TNS4: variants seen among roughly 807,000 people sequenced by gnomAD.
The protein encoded by TNS4 is tensin 4.
In TNS4, 46 loss-of-function variants were observed where a neutral mutation model predicts 70.4. The ratio of observed to expected loss-of-function variants is 0.65; its 90% CI spans 0.52 to 0.84. TNS4 has a LOEUF of 0.84. TNS4 is among the 40% of genes least tolerant of loss of function. The pLI, the probability that TNS4 is intolerant of heterozygous loss-of-function variation, is 0.00. For synonymous variants in TNS4, 390 were observed against 366.6 expected (o/e 1.06, Z -0.73); for missense variants, 863 against 907.0 (o/e 0.95, Z 0.62).
chr17:40,498,903 C>T (rs634299), intron 1 of TNS4, among the ~76,000 whole-genome samples: 109,530 of 152,032 alleles, frequency 0.72, 43,022 homozygotes, highest in East Asian at 0.98. Flanking sequence ...TGCTGAGACT[C>T]GGAGAGGTCA....
At chr17:40,498,316 G>C (rs930893954) in intron 1 of TNS4, among the ~76,000 whole-genome samples, 1 of 152,158 alleles carries the variant, frequency 6.6e-6, no homozygotes, top group Non-Finnish European at 1.5e-5. Context: ...TCTGTGAGAT[G>C]GTAATGAGAA....
intron 9 of TNS4, among the ~76,000 whole-genome samples, chr17:40,480,318 C>A (rs2035905009): frequency 6.6e-6 from 1 of 152,110 alleles, no homozygotes; most frequent in Non-Finnish European, 1.5e-5. Context: ...AGGGACCTTT[C>A]CCCTGGTGAA....
In TNS4 at chr17:40,477,311, T is replaced by G. The variant is rs555921501; in HGVS notation, c.*277A>C. 4.8e-6 allele frequency: 2 copies of G among 412,858 alleles called. No homozygotes were observed. Among genetic ancestry groups the G allele is most frequent in the African/African-American group, 2.0e-5 (1 of 49,324 alleles). 25.6% of individuals were successfully genotyped at this position (412,858 alleles called of 1,614,324 possible). Reference sequence around the variant, plus strand: ...CAGAGGTGTGCATGCTTCAGAATCATGGAGGAGCATGTTCAAATGCCCACC... The same window carrying G: ...CAGAGGTGTGCATGCTTCAGAATCAGGGAGGAGCATGTTCAAATGCCCACC... On this transcript the variant is annotated 3_prime_UTR_variant, in exon 13 of 13. Transcript: ENST00000254051.
chr17:40,477,980 C>T (rs971648052), intron 12 of TNS4: 45 of 599,906 alleles, frequency 7.5e-5, no homozygotes, highest in Non-Finnish European at 1.3e-4. Context: ...AGGACAGGAC[C>T]TGTGCATTCC....
intron 12 of TNS4, chr17:40,478,088 C>T: frequency 1.6e-6 from 1 of 636,924 alleles, no homozygotes; most frequent in Non-Finnish European, 2.7e-6. Flanking sequence ...GAGCCTGTGC[C>T]TCTTGCAGAA....
In TNS4 at chr17:40,487,286, T is replaced by C; in HGVS notation, c.1038A>G (p.Arg346=). Residue 346 remains arginine (R), a synonymous_variant, in exon 4 of 13, where the codon AGA becomes AGG. Transcript: ENST00000254051. ...TGGCCAGTGGTGGAGAGTGGGGTGT[T>C]CTGGGTTGGCCCATGGTTAGGGTGG... ...RNPTLTMGQP[R]TPHSPPLAKE... is the part of the protein sequence containing the mutation. The C allele has an allele frequency of 6.2e-7, 1 of 1,614,180 alleles. No individual in the cohort carries two copies. Among genetic ancestry groups the C allele is most frequent in the Non-Finnish European group, 8.5e-7 (1 of 1,180,024 alleles).
rs778525246 is a variant in TNS4, at chr17:40,488,598, T to A, written c.811A>T (p.Ile271Phe). ...ACTGGGCTGGCTGACAGCACAGAGATCCTGCTGCCCCGCTGTGGGGCCAGG... is the reference window on the plus strand; with the variant it reads ...ACTGGGCTGGCTGACAGCACAGAGAACCTGCTGCCCCGCTGTGGGGCCAGG... ...GGLAPQRGSRISVLSASPVSD... is the reference protein window; with the variant it reads ...GGLAPQRGSRFSVLSASPVSD... Residue 271 changes from isoleucine (I) to phenylalanine (F), a missense_variant, in exon 3 of 13, where the codon ATC becomes TTC. By Grantham distance (21) the Ile-to-Phe change is conservative. Transcript: ENST00000254051. 4.0e-6 allele frequency: 6 copies of A among 1,514,570 alleles called. No homozygotes were observed. The highest frequency in any genetic ancestry group is 1.8e-4 in the Middle Eastern group (1 of 5,586). 93.8% of individuals were successfully genotyped at this position (1,514,570 alleles called of 1,614,324 possible). A position where few individuals can be genotyped will look rare whatever the true frequency, so the allele number is the denominator to read the frequency against.
Position 40,477,299 on chromosome 17 carries a change from G to C in TNS4, c.*289C>G, listed in dbSNP as rs938166455. The C allele has an allele frequency of 5.4e-6, 2 of 368,062 alleles. No individual in the cohort carries two copies. The highest frequency in any genetic ancestry group is 2.1e-5 in the African/African-American group (1 of 48,072). 22.8% of individuals were successfully genotyped at this position (368,062 alleles called of 1,614,324 possible). On this transcript the variant is annotated 3_prime_UTR_variant, in exon 13 of 13. Coordinates refer to ENST00000254051, the MANE Select transcript of TNS4 (RefSeq NM_032865.6). Reference sequence around the variant, plus strand: ...TGCAGGGGTCTTCAGAGGTGTGCATGCTTCAGAATCATGGAGGAGCATGTT... The same window carrying C: ...TGCAGGGGTCTTCAGAGGTGTGCATCCTTCAGAATCATGGAGGAGCATGTT...
rs140376684 is a variant in TNS4 at position 40,484,962 on chromosome 17, G to A, written c.1334C>T (p.Thr445Ile). The change falls in exon 5 of 13, where the codon ACA becomes ATA. Residue 445 changes from threonine (T) to isoleucine (I), a missense_variant. By Grantham distance (89) the Thr-to-Ile change is moderately conservative. Transcript: ENST00000254051. ...GTTTGGCTTAAACCAGTATTTAGAT[G>A]TGTCCATCACGAACTTCATGGTGGG... ...MQPTMKFVMD[T>I]SKYWFKPNIT... The A allele has an allele frequency of 3.4e-4, 547 of 1,614,208 alleles. No homozygotes were observed. Among genetic ancestry groups the A allele is most frequent in the Middle Eastern group, 6.6e-4 (4 of 6,062 alleles).
At chr17:40,497,829 A>G (rs2036165394) in intron 1 of TNS4, among the ~76,000 whole-genome samples, 1 of 152,208 alleles carries the variant, frequency 6.6e-6, no homozygotes, top group East Asian at 1.9e-4. Flanking sequence ...GGAGGCTCTG[A>G]AAAGTTTTGA....
chr17:40,498,683 G>T (rs910924127), intron 1 of TNS4, among the ~76,000 whole-genome samples: 1 of 152,016 alleles, frequency 6.6e-6, no homozygotes, highest in Non-Finnish European at 1.5e-5. Flanking sequence ...TCACCCTCCC[G>T]AGTAGCTGGG....
chr17:40,496,245 C>T lies in TNS4; in HGVS notation c.181G>A (p.Gly61Arg). The change falls in exon 2 of 13, where the codon GGG (glycine) becomes AGG (arginine). Residue 61 changes from glycine (G) to arginine (R), a missense_variant. Transcript: ENST00000254051. ...QALMAPVPCMGPPGRLQQAPQ... is the reference protein window; with the variant it reads ...QALMAPVPCMRPPGRLQQAPQ... Reference sequence around the variant, plus strand: ...GCTTGCTGGAGTCGGCCAGGGGGCCCCATGCAGGGCACGGGGGCCATCAGG... The same window carrying T: ...GCTTGCTGGAGTCGGCCAGGGGGCCTCATGCAGGGCACGGGGGCCATCAGG... The T allele has an allele frequency of 1.3e-6, 2 of 1,595,266 alleles. No individual in the cohort carries two copies. Among genetic ancestry groups the T allele is most frequent in the South Asian group, 2.3e-5 (2 of 88,228 alleles).
rs571087067 is a variant in TNS4, at chr17:40,499,904, G to A, written c.-96+1630C>T. Among the ~76,000 whole-genome samples the A allele has an allele frequency of 4.6e-5, 7 of 152,354 alleles. No homozygotes were observed. The South Asian group carries it at 1.4e-3, about 32-fold the overall frequency. ...GGTGTCCCCTCGCAACCAGGACCCA[G>A]TATACCTGCTTACTAATTTGGACAC... is the stretch of plus-strand genomic sequence containing the variant. On this transcript the variant is annotated intron_variant, in intron 1 of 12. Coordinates refer to ENST00000254051, the MANE Select transcript of TNS4 (RefSeq NM_032865.6).
intron 6 of TNS4, among the ~76,000 whole-genome samples, chr17:40,482,859 G>A (rs1481116566): frequency 6.6e-6 from 1 of 151,856 alleles, no homozygotes; most frequent in African/African-American, 2.4e-5. Flanking sequence ...TCTGCTCAAT[G>A]GCTCCAGCCA....
At chr17:40,491,693 C>T (rs1167015444) in intron 2 of TNS4, among the ~76,000 whole-genome samples, 1 of 151,894 alleles carries the variant, frequency 6.6e-6, no homozygotes, top group Non-Finnish European at 1.5e-5. Flanking sequence ...CCGTGCTCAC[C>T]TCAAGGTGGG....
At chr17:40,486,652 C>T (rs1202122775) in intron 4 of TNS4, among the ~76,000 whole-genome samples, 7 of 151,984 alleles carry the variant, frequency 4.6e-5, no homozygotes, top group Non-Finnish European at 1.0e-4. Flanking sequence ...CATGCGCTTC[C>T]ACACCTTCAT....
Position 40,476,122 on chromosome 17 carries a change from T to C in TNS4, c.*1466A>G, listed in dbSNP as rs890399919. The C allele has an allele frequency of 6.6e-6, 1 of 151,746 alleles. No individual in the cohort carries two copies. The highest frequency in any genetic ancestry group is 1.5e-5 in the Non-Finnish European group (1 of 68,010). The allele number at this position is 151,746 out of a possible 1,614,324, so 9.4% of individuals were successfully genotyped here. ...GGAGGGGGCAGGCACTTGCTCCTCG[T>C]AGAGCAAGAGTGGGTTTCTTCCCTG... On this transcript the variant is annotated 3_prime_UTR_variant, in exon 13 of 13. Coordinates refer to ENST00000254051, the MANE Select transcript of TNS4 (RefSeq NM_032865.6).
In TNS4 at chr17:40,475,984, CCA is replaced by C. The variant is rs1452245175; in HGVS notation, c.*1602_*1603del. The stretch of plus-strand genomic sequence containing the variant: ...ACTTTGGCGGCGGGGCAGTGCTCGA[CCA>C]CTGGCTGGGTGGGCTGGTCTCAGCC... On this transcript the variant is annotated 3_prime_UTR_variant, in exon 13 of 13. Coordinates refer to ENST00000254051, the MANE Select transcript of TNS4 (RefSeq NM_032865.6). The C allele has an allele frequency of 1.3e-5, 2 of 152,244 alleles. No individual in the cohort carries two copies. The highest frequency in any genetic ancestry group is 1.3e-4 in the Admixed American group (2 of 15,286). The allele number at this position is 152,244 out of a possible 1,614,324, so 9.4% of individuals were successfully genotyped here. A position where few individuals can be genotyped will look rare whatever the true frequency, so the allele number is the denominator to read the frequency against.
At chr17:40,498,205 G>A (rs930788557) in intron 1 of TNS4, among the ~76,000 whole-genome samples, 2 of 152,114 alleles carry the variant, frequency 1.3e-5, no homozygotes, top group Admixed American at 1.3e-4. Flanking sequence ...TCTGAGACTA[G>A]CCTGGGAGAA....
Sources: gnomAD v4.1 joint callset for allele counts (sites outside exome capture counted in the v4.1 genomes callset) on GRCh38, gnomAD v4.1.1 for gene constraint, MANE v1.5 for transcripts, NCBI Gene and HGNC (gene_info 2026-07-23, HGNC 2026-07-21) for gene names.